The following ANO6 variants were observed in gnomAD, a reference collection of about 807,000 sequenced individuals.
ANO6 encodes the protein anoctamin-6.
ANO6 carries 106 observed loss-of-function variants against 117.5 expected under a neutral mutation model. That is an observed-to-expected ratio of 0.90 (90% confidence interval 0.77 to 1.06). The LOEUF (loss-of-function observed/expected upper bound fraction) is 1.06. Among genes scored for constraint, ANO6 ranks in the 50% least tolerant of loss-of-function variants. The pLI is 0.00. For missense variants in ANO6, 955 were observed against 1,121.1 expected (o/e 0.85, Z 2.12); for synonymous variants, 367 against 385.1 (o/e 0.95, Z 0.55).
At chr12:45,250,594 C>T (rs2137186430) in intron 1 of ANO6, among the ~76,000 whole-genome samples, 1 of 151,636 alleles carries the variant, frequency 6.6e-6, no homozygotes, top group South Asian at 2.1e-4. Context: ...GTTGAGGGGT[C>T]GTCTTGCTGT....
chr12:45,353,486 A>G (rs935871255), intron 7 of ANO6, among the ~76,000 whole-genome samples: 1 of 152,094 alleles, frequency 6.6e-6, no homozygotes, highest in African/African-American at 2.4e-5. Context: ...TTGCTTTAGT[A>G]AAGAAAACTT....
At chr12:45,325,275 C>T (rs1433985532) in intron 2 of ANO6, among the ~76,000 whole-genome samples, 3 of 152,144 alleles carry the variant, frequency 2.0e-5, no homozygotes, top group African/African-American at 7.2e-5. Context: ...TAGGACAACT[C>T]TCTTGTCTAA....
chr12:45,303,704 C>T (rs1370975656), intron 2 of ANO6, among the ~76,000 whole-genome samples: 1 of 152,158 alleles, frequency 6.6e-6, no homozygotes, highest in Non-Finnish European at 1.5e-5. Context: ...CCACATTTTC[C>T]TTTTCAAAGT....
chr12:45,267,684 G>A (rs1337283547), intron 1 of ANO6, among the ~76,000 whole-genome samples: 3 of 152,086 alleles, frequency 2.0e-5, no homozygotes, highest in African/African-American at 7.2e-5. Context: ...CCAGCTACTC[G>A]GGAGGCTGAG....
intron 2 of ANO6, 136 bp downstream of exon 2, chr12:45,302,229 C>G: frequency 1.3e-6 from 1 of 780,950 alleles, no homozygotes; most frequent in Non-Finnish European, 2.2e-6. Flanking sequence ...AGGGACTGTG[C>G]GTTCAGAGCT....
intron 1 of ANO6, among the ~76,000 whole-genome samples, chr12:45,268,959 A>G (rs529451960): frequency 6.6e-6 from 1 of 152,330 alleles, no homozygotes; most frequent in African/African-American, 2.4e-5. Flanking sequence ...CTCTAATGGA[A>G]TGTGAGCAGT....
intron 4 of ANO6, 70 bp downstream of exon 4, chr12:45,347,157 C>T (rs1941156859): frequency 8.2e-6 from 12 of 1,456,302 alleles, no homozygotes; most frequent in Admixed American, 1.7e-5. Context: ...ACTTGGAATA[C>T]TTGGGTGACA....
At chr12:45,225,388 G>T (rs1285176700) in intron 1 of ANO6, among the ~76,000 whole-genome samples, 1 of 152,164 alleles carries the variant, frequency 6.6e-6, no homozygotes, top group East Asian at 1.9e-4. Flanking sequence ...TCGTCTTGAA[G>T]CGGGGAGAAG....
rs540530207 is a variant in ANO6 at position 45,439,832 on chromosome 12, T to C, written c.2684T>C (p.Ile895Thr). Reference sequence around the variant, plus strand: ...GACTTTATTGACTCCCTCTATTATATATTTTCTATTTCAATAATATCTATT... The same window carrying C: ...GACTTTATTGACTCCCTCTATTATACATTTTCTATTTCAATAATATCTATT... Residue 895 changes from isoleucine to threonine, a missense_variant, in exon 20 of 20, where the codon ATA becomes ACA. Transcript: ENST00000425752. 9.1e-6 allele frequency: 14 copies of C among 1,541,258 alleles called. No homozygotes were observed. The African/African-American group carries it at 1.8e-4, about 20-fold the overall frequency.
At chr12:45,288,230 G>A (rs1318051810) in intron 1 of ANO6, among the ~76,000 whole-genome samples, 2 of 152,162 alleles carry the variant, frequency 1.3e-5, no homozygotes, top group African/African-American at 4.8e-5. Flanking sequence ...GTGTGGTGGT[G>A]CAATACACAT....
intron 19 of ANO6, 70 bp from the exon 20 acceptor site, chr12:45,429,035 A>G: frequency 1.3e-6 from 2 of 1,566,094 alleles, no homozygotes; most frequent in Non-Finnish European, 8.7e-7. Flanking sequence ...AATGACAAGC[A>G]AGAATGAAAG....
chr12:45,240,709 T>C (rs530635363), intron 1 of ANO6, among the ~76,000 whole-genome samples: 1 of 152,340 alleles, frequency 6.6e-6, no homozygotes, highest in South Asian at 2.1e-4. Context: ...TTTCTATGTT[T>C]AGTGCTTCCT....
intron 1 of ANO6, among the ~76,000 whole-genome samples, chr12:45,265,647 T>G (rs577164576): frequency 6.6e-6 from 1 of 152,252 alleles, no homozygotes; most frequent in South Asian, 2.1e-4. Context: ...TCCCGATTCT[T>G]GTCATTTCTC....
At chr12:45,244,400 A>G (rs1016734807) in intron 1 of ANO6, among the ~76,000 whole-genome samples, 1 of 79,114 alleles carries the variant, frequency 1.3e-5, no homozygotes, top group East Asian at 5.8e-4. Context: ...GGGCTTCTCT[A>G]TTTGGGGGGG....
chr12:45,288,791 A>G (rs1234296466), intron 1 of ANO6, among the ~76,000 whole-genome samples: 1 of 152,182 alleles, frequency 6.6e-6, no homozygotes, highest in Non-Finnish European at 1.5e-5. Flanking sequence ...TCTGTCGCCC[A>G]GGCTGGAGTG....
At chr12:45,328,723 A>G (rs997058461) in intron 2 of ANO6, among the ~76,000 whole-genome samples, 2 of 152,146 alleles carry the variant, frequency 1.3e-5, no homozygotes, top group East Asian at 1.9e-4. Flanking sequence ...AGAAGATTCC[A>G]TATTTTTACT....
At chr12:45,427,854 G>A (rs918864250) in intron 19 of ANO6, among the ~76,000 whole-genome samples, 3 of 148,234 alleles carry the variant, frequency 2.0e-5, no homozygotes, top group Non-Finnish European at 4.4e-5. Context: ...CAGGAGAATC[G>A]CTTGAACCCG....
At chr12:45,276,455 C>T (rs1292082218) in intron 1 of ANO6, among the ~76,000 whole-genome samples, 4 of 152,178 alleles carry the variant, frequency 2.6e-5, no homozygotes, top group African/African-American at 7.2e-5. Flanking sequence ...CACCAAGATA[C>T]TTTCTGCTTC....
At chr12:45,316,775 A>G (rs57266792) in intron 2 of ANO6, among the ~76,000 whole-genome samples, 2,189 of 151,574 alleles carry the variant, frequency 0.014, 41 homozygotes, top group African/African-American at 0.049. Flanking sequence ...TGACATATAT[A>G]TGTATTATAC....
Sources: allele counts gnomAD v4.1 joint callset (sites outside exome capture counted in the v4.1 genomes callset), GRCh38; gene constraint gnomAD v4.1.1; transcripts MANE v1.5; gene names NCBI Gene and HGNC (gene_info 2026-07-23, HGNC 2026-07-21).